TMEM232: variants seen among roughly 807,000 people sequenced by gnomAD.
TMEM232 encodes transmembrane protein 232.
TMEM232 carries 80 observed loss-of-function variants against 78.8 expected under a neutral mutation model. The ratio of observed to expected loss-of-function variants is 1.01; its 90% CI spans 0.85 to 1.22. The LOEUF (loss-of-function observed/expected upper bound fraction) is 1.22. Among genes scored for constraint, TMEM232 ranks in the 50% most tolerant of loss-of-function variants. TMEM232 has a pLI of 0.00. For missense variants in TMEM232, 881 were observed against 742.2 expected, an observed-to-expected ratio of 1.19 and a Z score of -2.17; for synonymous variants, 297 against 254.3, an observed-to-expected ratio of 1.17 and a Z score of -1.60.
intron 5 of TMEM232, among the ~76,000 whole-genome samples, chr5:110,636,623 G>A (rs188641188): frequency 1.1e-4 from 16 of 152,096 alleles, no homozygotes; most frequent in Non-Finnish European, 1.6e-4. Flanking sequence ...ATAGCTGAGA[G>A]TTCACTGGAC....
intron 12 of TMEM232, among the ~76,000 whole-genome samples, chr5:110,433,456 A>AACTC (rs1463306832): frequency 1.3e-5 from 2 of 151,772 alleles, no homozygotes; most frequent in African/African-American, 4.8e-5. Context: ...ACATACCAAA[A>AACTC]ACTCAGGGAT....
chr5:110,637,043 C>T (rs1785937010), intron 5 of TMEM232, among the ~76,000 whole-genome samples: 1 of 151,350 alleles, frequency 6.6e-6, no homozygotes, highest in Non-Finnish European at 1.5e-5. Context: ...AGACTTGCTC[C>T]ATGTTTTTCT....
intron 5 of TMEM232, among the ~76,000 whole-genome samples, chr5:110,635,372 G>T (rs1363130850): frequency 1.3e-5 from 2 of 151,704 alleles, no homozygotes; most frequent in African/African-American, 4.8e-5. Context: ...ACCAGAAAAG[G>T]TGCAACAAAG....
At chr5:110,732,376 T>C (rs1461417492) in intron 2 of TMEM232, among the ~76,000 whole-genome samples, 2 of 152,186 alleles carry the variant, frequency 1.3e-5, no homozygotes, top group African/African-American at 4.8e-5. Context: ...TGGTACCAAC[T>C]CACTGTATTA....
chr5:110,716,066 G>A (rs1391808508), intron 1 of TMEM232, among the ~76,000 whole-genome samples: 1 of 152,054 alleles, frequency 6.6e-6, no homozygotes. Flanking sequence ...TATCTTAATT[G>A]TATTTGATTG....
At chr5:110,580,331 C>T (rs781434974) in intron 10 of TMEM232, among the ~76,000 whole-genome samples, 2 of 151,650 alleles carry the variant, frequency 1.3e-5, no homozygotes, top group Non-Finnish European at 3.0e-5. Flanking sequence ...GAGACACAAA[C>T]AGTTAGCATT....
chr5:110,723,197 G>C (rs10463611), intron 1 of TMEM232, among the ~76,000 whole-genome samples: 11,102 of 152,098 alleles, frequency 0.073, 480 homozygotes, highest in South Asian at 0.2. Context: ...AATAGTTATA[G>C]GTCTATTCAG....
chr5:110,388,681 C>T (rs1249438302), intron 4 of TMEM232, among the ~76,000 whole-genome samples: 1 of 152,080 alleles, frequency 6.6e-6, no homozygotes, highest in Non-Finnish European at 1.5e-5. Flanking sequence ...TGGCCCTAAT[C>T]CCATAGAAGG....
intron 1 of TMEM232, among the ~76,000 whole-genome samples, chr5:110,715,281 T>A (rs1302822183): frequency 2.0e-5 from 3 of 151,652 alleles, no homozygotes; most frequent in South Asian, 2.1e-4. Flanking sequence ...TTAAAGAAAT[T>A]ATGAAAAAAA....
At chr5:110,609,008 TAAC>T (rs1781848699) in intron 8 of TMEM232, among the ~76,000 whole-genome samples, 1 of 152,064 alleles carries the variant, frequency 6.6e-6, no homozygotes, top group East Asian at 1.9e-4. Flanking sequence ...TTGTCTAAAA[TAAC>T]AATATATACA....
intron 11 of TMEM232, among the ~76,000 whole-genome samples, chr5:110,558,445 A>C (rs977544947): frequency 6.6e-6 from 1 of 152,162 alleles, no homozygotes; most frequent in Non-Finnish European, 1.5e-5. Context: ...GCCCATCTGC[A>C]GAACTCTCCA....
chr5:110,706,850 A>G (rs937964900), intron 1 of TMEM232, among the ~76,000 whole-genome samples: 2 of 152,200 alleles, frequency 1.3e-5, no homozygotes, highest in Non-Finnish European at 2.9e-5. Context: ...TAGCTTTTGC[A>G]TTCTCATTGA....
intron 11 of TMEM232, among the ~76,000 whole-genome samples, chr5:110,566,036 C>A (rs1776301913): frequency 6.6e-6 from 1 of 151,718 alleles, no homozygotes; most frequent in Non-Finnish European, 1.5e-5. Flanking sequence ...ATTCCCTTTA[C>A]CCTTCCAGAT....
chr5:110,491,221 C>T (rs372015238), intron 12 of TMEM232, among the ~76,000 whole-genome samples: 8 of 151,870 alleles, frequency 5.3e-5, no homozygotes, highest in African/African-American at 1.9e-4. Flanking sequence ...CATAAAAAGA[C>T]ATTCAACATC....
intron 12 of TMEM232, among the ~76,000 whole-genome samples, chr5:110,511,836 C>T (rs1365462004): frequency 6.6e-6 from 1 of 152,176 alleles, no homozygotes; most frequent in Non-Finnish European, 1.5e-5. Context: ...TATTGCGGTT[C>T]CTAAGATAAA....
chr5:110,696,722 C>T (rs1241464621), intron 1 of TMEM232, among the ~76,000 whole-genome samples: 2 of 152,006 alleles, frequency 1.3e-5, no homozygotes, highest in Admixed American at 1.3e-4. Context: ...GAATAAAATA[C>T]CTAGGAATCC....
chr5:110,489,853 C>G (rs1255702132), intron 12 of TMEM232, among the ~76,000 whole-genome samples: 4 of 151,966 alleles, frequency 2.6e-5, no homozygotes, highest in African/African-American at 9.7e-5. Context: ...TGGCTGGGTT[C>G]TGTGGCTCAT....
At chr5:110,527,102 G>A (rs566782879) in intron 12 of TMEM232, among the ~76,000 whole-genome samples, 1 of 151,770 alleles carries the variant, frequency 6.6e-6, no homozygotes, top group Admixed American at 6.6e-5. Context: ...GGAGGGATGG[G>A]GGGTAAATCA....
At chr5:110,444,247 T>C (rs1037602158) in intron 12 of TMEM232, among the ~76,000 whole-genome samples, 2 of 152,146 alleles carry the variant, frequency 1.3e-5, no homozygotes, top group African/African-American at 4.8e-5. Context: ...AGGTTTGTTC[T>C]TACCTCTGAG....
Sources: gnomAD v4.1 joint callset for allele counts (sites outside exome capture counted in the v4.1 genomes callset) on GRCh38, gnomAD v4.1.1 for gene constraint, MANE v1.5 for transcripts, NCBI Gene and HGNC (gene_info 2026-07-23, HGNC 2026-07-21) for gene names.